Variants in TC2N observed in about 807,000 individuals in gnomAD.
TC2N encodes tandem C2 domains, nuclear, also known as tandem C2 domains nuclear protein.
TC2N carries 51 observed loss-of-function variants against 61.9 expected under a neutral mutation model. That is an observed-to-expected ratio of 0.82 (90% CI 0.66 to 1.04). The LOEUF (loss-of-function observed/expected upper bound fraction) is 1.04. Among genes scored for constraint, TC2N ranks in the 50% least tolerant of loss-of-function variants. The pLI, the probability that TC2N is intolerant of heterozygous loss-of-function variation, is 0.00. For synonymous variants in TC2N, 204 were observed against 192.6 expected (o/e 1.06, Z -0.49); for missense variants, 556 against 566.7 (o/e 0.98, Z 0.19).
At chr14:91,846,401 C>T (rs538701033) in intron 1 of TC2N, among the ~76,000 whole-genome samples, 51 of 151,992 alleles carry the variant, frequency 3.4e-4, no homozygotes, top group African/African-American at 1.2e-3. Context: ...CCTTGTCCAC[C>T]GAAAGACCAT....
At chr14:91,865,369 G>GTT (rs34451913) in intron 1 of TC2N, among the ~76,000 whole-genome samples, 43 of 128,396 alleles carry the variant, frequency 3.3e-4, no homozygotes, top group African/African-American at 8.9e-4. Context: ...GAGCCTCTTG[G>GTT]TTTTTTTTTT....
At chr14:91,787,957 C>T (rs1290510417) in intron 9 of TC2N, among the ~76,000 whole-genome samples, 1 of 151,960 alleles carries the variant, frequency 6.6e-6, no homozygotes, top group Non-Finnish European at 1.5e-5. Context: ...AAAAGGAATA[C>T]ACTTTCAAAA....
chr14:91,851,254 A>T (rs1219805426), intron 1 of TC2N, among the ~76,000 whole-genome samples: 1 of 152,192 alleles, frequency 6.6e-6, no homozygotes, highest in African/African-American at 2.4e-5. Context: ...GAATTATATA[A>T]TGAAGACCAC....
chr14:91,803,577 G>C (rs4519270), intron 3 of TC2N, among the ~76,000 whole-genome samples: 149,162 of 152,134 alleles, frequency 0.98, 73,203 homozygotes, highest in East Asian at 1. Flanking sequence ...CTCAGCCTCC[G>C]AAGTAGCTGG....
At chr14:91,857,520 A>C (rs191310177) in intron 1 of TC2N, among the ~76,000 whole-genome samples, 1 of 152,174 alleles carries the variant, frequency 6.6e-6, no homozygotes, top group Non-Finnish European at 1.5e-5. Context: ...GGGAAGAAAA[A>C]CACCAAGCAC....
At chr14:91,804,400 G>A (rs1213887454) in intron 3 of TC2N, among the ~76,000 whole-genome samples, 3 of 152,056 alleles carry the variant, frequency 2.0e-5, no homozygotes, top group Admixed American at 6.5e-5. Context: ...ATGTTCGTAA[G>A]TATTATTACC....
At position 91,847,362 on chromosome 14, in the gene TC2N, C is replaced by T. The variant is rs545459212; in HGVS notation, c.-57+19900G>A. ...AAAGCTGGAACCTGTGTCCTCTGAA[C>T]TGCATCTAGGCTAACCATAGTGACT... On this transcript the variant is annotated intron_variant, in intron 1 of 11. Transcript: ENST00000435962. Among the ~76,000 whole-genome samples the T allele has an allele frequency of 8.0e-4, 122 of 152,276 alleles. No homozygotes were observed. The Middle Eastern group carries it at 0.02, about 25-fold the overall frequency.
At chr14:91,823,318 C>T (rs1200335301) in intron 1 of TC2N, among the ~76,000 whole-genome samples, 1 of 151,382 alleles carries the variant, frequency 6.6e-6, no homozygotes, top group Non-Finnish European at 1.5e-5. Context: ...GTCGGGAGTT[C>T]GAGACCAGCC....
At chr14:91,847,196 T>TC (rs1212382036) in intron 1 of TC2N, among the ~76,000 whole-genome samples, 1 of 149,434 alleles carries the variant, frequency 6.7e-6, no homozygotes, top group African/African-American at 2.5e-5. Flanking sequence ...AGGCAGAGGT[T>TC]GCAGTGAGCC....
intron 3 of TC2N, among the ~76,000 whole-genome samples, chr14:91,809,208 C>G (rs1886657769): frequency 1.3e-5 from 2 of 152,084 alleles, no homozygotes; most frequent in African/African-American, 4.8e-5. Flanking sequence ...AATAGGAGTT[C>G]AAGACCAGCC....
chr14:91,817,830 T>C (rs1447532983), intron 1 of TC2N, among the ~76,000 whole-genome samples: 1 of 152,096 alleles, frequency 6.6e-6, no homozygotes, highest in African/African-American at 2.4e-5. Flanking sequence ...GAAAAGTTTA[T>C]ATGAATGAAA....
chr14:91,791,967 A>T (rs1885678393), intron 9 of TC2N, among the ~76,000 whole-genome samples: 1 of 152,004 alleles, frequency 6.6e-6, no homozygotes, highest in Non-Finnish European at 1.5e-5. Flanking sequence ...ATACAAAAAA[A>T]AATTAGCCAG....
intron 1 of TC2N, among the ~76,000 whole-genome samples, chr14:91,861,653 T>C (rs1408766950): frequency 2.0e-5 from 3 of 152,274 alleles, no homozygotes; most frequent in African/African-American, 7.2e-5. Flanking sequence ...CTGGACATGA[T>C]GGCTGATGCC....
chr14:91,803,378 T>TAC (rs1366687041), intron 3 of TC2N, among the ~76,000 whole-genome samples: 32 of 125,242 alleles, frequency 2.6e-4, no homozygotes, highest in East Asian at 1.6e-3. Context: ...TACATACATA[T>TAC]ATACACACAC....
chr14:91,865,369 GTTT>G (rs34451913), intron 1 of TC2N, among the ~76,000 whole-genome samples: 14 of 128,422 alleles, frequency 1.1e-4, no homozygotes, highest in African/African-American at 3.5e-4. Context: ...GAGCCTCTTG[GTTT>G]TTTTTTTTTT....
At chr14:91,855,177 G>C (rs1261865435) in intron 1 of TC2N, among the ~76,000 whole-genome samples, 1 of 152,148 alleles carries the variant, frequency 6.6e-6, no homozygotes, top group African/African-American at 2.4e-5. Context: ...AAGCAGGTTC[G>C]CTTCTGTCCC....
intron 3 of TC2N, among the ~76,000 whole-genome samples, chr14:91,810,015 C>T (rs1381655714): frequency 6.6e-6 from 1 of 152,128 alleles, no homozygotes; most frequent in African/African-American, 2.4e-5. Flanking sequence ...CATTTGCTTG[C>T]TGTTTTGTAG....
chr14:91,803,518 T>C (rs1886363633), intron 3 of TC2N, among the ~76,000 whole-genome samples: 1 of 152,120 alleles, frequency 6.6e-6, no homozygotes, highest in Non-Finnish European at 1.5e-5. Context: ...AGTGGCATGA[T>C]CTCGGCTCAC....
chr14:91,843,855 G>A (rs1174843068), intron 1 of TC2N, among the ~76,000 whole-genome samples: 1 of 151,808 alleles, frequency 6.6e-6, no homozygotes, highest in African/African-American at 2.4e-5. Context: ...GAAGTGGAGG[G>A]AGGGGCTCAA....
Sources: allele counts gnomAD v4.1 joint callset (sites outside exome capture counted in the v4.1 genomes callset), GRCh38; gene constraint gnomAD v4.1.1; transcripts MANE v1.5; gene names NCBI Gene and HGNC (gene_info 2026-07-23, HGNC 2026-07-21).